DOCK4: variants seen among roughly 807,000 people sequenced by gnomAD.
DOCK4 encodes the protein dedicator of cytokinesis protein 4.
Under a neutral mutation model 268.1 loss-of-function variants are expected in DOCK4, and 97 were observed. The ratio of observed to expected loss-of-function variants is 0.36; its 90% CI spans 0.31 to 0.43. The LOEUF is 0.43. DOCK4 is among the 20% of genes least tolerant of loss of function. The pLI is 1.00. For missense variants in DOCK4, 2,145 were observed against 2,455.7 expected (o/e 0.87, Z 2.67); for synonymous variants, 954 against 887.2 (o/e 1.08, Z -1.34).
intron 1 of DOCK4, among the ~76,000 whole-genome samples, chr7:112,011,037 C>G (rs1010796402): frequency 2.0e-5 from 3 of 152,182 alleles, no homozygotes; most frequent in African/African-American, 7.2e-5. Flanking sequence ...TCCTCGAACC[C>G]TAGCACCCTT....
intron 15 of DOCK4, among the ~76,000 whole-genome samples, chr7:111,896,272 A>G (rs10262720): frequency 0.48 from 72,543 of 151,898 alleles, 19,283 homozygotes; most frequent in African/African-American, 0.73. Flanking sequence ...ACGTTGAAAG[A>G]CAATATGAAT....
In DOCK4 at chr7:111,742,074, C is replaced by G. The variant is rs3757650; in HGVS notation, c.4736G>C (p.Arg1579Thr). ...GTCAACCAGCTTTTTGTGAAGGGGT[C>G]TCATATCTTGAGGTACAAACTTCTC... is the stretch of plus-strand genomic sequence containing the variant. ...VHEKFVPQDM[R>T]PLHKKLVDQF... The change falls in exon 45 of 53, where the codon AGA (arginine) becomes ACA (threonine). Residue 1579 changes from arginine (R) to threonine (T), a missense_variant. By Grantham distance (71) the Arg-to-Thr change is moderately conservative (BLOSUM62 -1). Coordinates refer to ENST00000428084, the MANE Select transcript of DOCK4 (RefSeq NM_001363540.2). 6.2e-7 allele frequency: 1 copy of G among 1,608,568 alleles called. No homozygotes were observed. The highest frequency in any genetic ancestry group is 2.2e-5 in the East Asian group (1 of 44,732).
At chr7:112,173,891 A>G (rs566832985) in intron 1 of DOCK4, among the ~76,000 whole-genome samples, 46 of 152,278 alleles carry the variant, frequency 3.0e-4, no homozygotes, top group African/African-American at 1.0e-3. Flanking sequence ...CGGCCTGACA[A>G]CAGCAAGGCA....
chr7:112,077,516 A>G (rs925806638), intron 1 of DOCK4, among the ~76,000 whole-genome samples: 2 of 152,156 alleles, frequency 1.3e-5, no homozygotes, highest in African/African-American at 4.8e-5. Context: ...AGTGTGCTTA[A>G]GAGTGATGGA....
chr7:112,084,674 A>T (rs1425710570), intron 1 of DOCK4, among the ~76,000 whole-genome samples: 1 of 152,148 alleles, frequency 6.6e-6, no homozygotes, highest in Non-Finnish European at 1.5e-5. Context: ...AGACATGCAT[A>T]ATGAAAACGA....
chr7:111,757,858 G>A (rs779470043), intron 41 of DOCK4, among the ~76,000 whole-genome samples: 3 of 151,966 alleles, frequency 2.0e-5, no homozygotes, highest in Non-Finnish European at 4.4e-5. Flanking sequence ...AGCTAATTTT[G>A]CATTCTTTGT....
rs375068909 is a variant in DOCK4, at chr7:112,159,477, CTA to C, written c.37+46623_37+46624del. On this transcript the variant is annotated intron_variant, in intron 1 of 52. Coordinates refer to ENST00000428084, the MANE Select transcript of DOCK4 (RefSeq NM_001363540.2). ...TTTGATTCCATCCTGAGTTTCTAAC[CTA>C]TGTTTTTCCTACTTCTCTAAACACA... 1.6e-4 allele frequency among the ~76,000 whole-genome samples: 25 copies of C among 152,190 alleles called. No individual in the cohort carries two copies. In the East Asian group the frequency reaches 4.1e-3, roughly 25 times the overall value.
chr7:112,073,340 CCATGTTTACTGTCG>C (rs1739626220), intron 1 of DOCK4, among the ~76,000 whole-genome samples: 1 of 151,922 alleles, frequency 6.6e-6, no homozygotes, highest in African/African-American at 2.4e-5. Flanking sequence ...ACCTGCATCC[CCATGTTTACTGTCG>C]CATTATCCAC....
At chr7:111,741,494 C>A in intron 46 of DOCK4, 46 bp downstream of exon 46, 1 of 1,602,254 alleles carries the variant, frequency 6.2e-7, no homozygotes, top group South Asian at 1.1e-5. Context: ...TCCAGATCAG[C>A]TTGCGGGTGA....
At chr7:111,837,110 G>A (rs1415567064) in intron 25 of DOCK4, among the ~76,000 whole-genome samples, 1 of 151,796 alleles carries the variant, frequency 6.6e-6, no homozygotes, top group Non-Finnish European at 1.5e-5. Context: ...GCCAGTGGTA[G>A]AGAAAATCTT....
intron 1 of DOCK4, among the ~76,000 whole-genome samples, chr7:112,154,229 C>T (rs1351007680): frequency 1.3e-5 from 2 of 152,122 alleles, no homozygotes; most frequent in Non-Finnish European, 2.9e-5. Context: ...ACCTCGGCCT[C>T]CCAAAGTGCT....
chr7:111,971,769 C>T (rs149498355), intron 8 of DOCK4: 19 of 302,166 alleles, frequency 6.3e-5, no homozygotes, highest in Non-Finnish European at 1.1e-4. Flanking sequence ...ATGAACGGGT[C>T]AATCGCAGGA....
At chr7:112,094,719 G>C (rs1046299199) in intron 1 of DOCK4, among the ~76,000 whole-genome samples, 6 of 152,150 alleles carry the variant, frequency 3.9e-5, no homozygotes, top group African/African-American at 1.2e-4. Flanking sequence ...ATCTCAAGTT[G>C]AATTGTAACT....
At chr7:111,864,470 C>T (rs1805812213) in intron 22 of DOCK4, among the ~76,000 whole-genome samples, 1 of 152,154 alleles carries the variant, frequency 6.6e-6, no homozygotes, top group Non-Finnish European at 1.5e-5. Flanking sequence ...AATTCAAGTG[C>T]TAGTTGGCGT....
Position 111,977,154 on chromosome 7 carries a change from T to C in DOCK4, c.679A>G (p.Ser227Gly), listed in dbSNP as rs973305937. 6.2e-7 allele frequency: 1 copy of C among 1,613,224 alleles called. No homozygotes were observed. Among genetic ancestry groups the C allele is most frequent in the Non-Finnish European group, 8.5e-7 (1 of 1,179,628 alleles). Residue 227 changes from serine to glycine, a missense_variant, in exon 8 of 53, where the codon AGT (serine) becomes GGT (glycine). By Grantham distance (56) the Ser-to-Gly change is moderately conservative. Transcript: ENST00000428084. ...ELEVIFSLFD[S>G]KENRPISERF... is the part of the protein sequence containing the mutation. ...TACCTGATTGGCCGGTTCTCTTTACTGTCAAAGAGTGAGAAGATGACCTCC... is the reference window on the plus strand; with the variant it reads ...TACCTGATTGGCCGGTTCTCTTTACCGTCAAAGAGTGAGAAGATGACCTCC...
chr7:112,202,898 GAA>G, intron 1 of DOCK4, among the ~76,000 whole-genome samples: 1 of 152,244 alleles, frequency 6.6e-6, no homozygotes, highest in South Asian at 2.1e-4. Context: ...AACAAATTGA[GAA>G]AGAGAGGAAC....
chr7:111,739,439 C>T lies in DOCK4; in HGVS notation c.5079G>A (p.Ser1693=), dbSNP rs376476623. ...PSTSSLSSTH[S]ASPNVTSSAP... is the part of the protein sequence containing the mutation. ...CAGAACTTGTCACATTAGGTGAAGCCGAGTGAGTAGAACTCAAGCTTGAGG... is the reference window on the plus strand; with the variant it reads ...CAGAACTTGTCACATTAGGTGAAGCTGAGTGAGTAGAACTCAAGCTTGAGG... The change falls in exon 48 of 53, where the codon TCG becomes TCA. Residue 1693 remains serine (S), a synonymous_variant. Transcript: ENST00000428084. The T allele has an allele frequency of 2.2e-5, 34 of 1,577,038 alleles. No individual in the cohort carries two copies. The highest frequency in any genetic ancestry group is 4.7e-5 in the East Asian group (2 of 42,930).
intron 1 of DOCK4, among the ~76,000 whole-genome samples, chr7:112,070,188 A>G (rs1807458746): frequency 6.6e-6 from 1 of 152,224 alleles, no homozygotes; most frequent in Admixed American, 6.5e-5. Context: ...CCAAATGAAT[A>G]TAATGACAAC....
chr7:111,746,434 G>C lies in DOCK4; in HGVS notation c.4594-17C>G, dbSNP rs778132291. On this transcript the variant is annotated splice_polypyrimidine_tract_variant and intron_variant, in intron 43 of 52. Transcript: ENST00000428084. ...AAAGAATGCCTAGTAAGGGAAAGGA[G>C]AATCAGTCTACTTTAGTGGAGTACA... The C allele has an allele frequency of 2.5e-6, 4 of 1,572,406 alleles. No individual in the cohort carries two copies. In the East Asian group the frequency reaches 6.8e-5, roughly 27 times the overall value.
Sources: allele counts gnomAD v4.1 joint callset (sites outside exome capture counted in the v4.1 genomes callset), GRCh38; gene constraint gnomAD v4.1.1; transcripts MANE v1.5; gene names NCBI Gene and HGNC (gene_info 2026-07-23, HGNC 2026-07-21).